Variants in UNC79 observed in about 807,000 individuals in gnomAD.
UNC79 encodes unc-79 subunit of NALCN channel complex.
UNC79 carries 37 observed loss-of-function variants against 283.1 expected under a neutral mutation model. The ratio of observed to expected loss-of-function variants is 0.13; its 90% confidence interval spans 0.10 to 0.17. The LOEUF (loss-of-function observed/expected upper bound fraction) is 0.17. UNC79 is among the 10% of genes least tolerant of loss of function. The pLI, the probability that UNC79 is intolerant of heterozygous loss-of-function variation, is 1.00. For synonymous variants in UNC79, 1,107 were observed against 1,200.2 expected, an observed-to-expected ratio of 0.92 and a Z score of 1.61; for missense variants, 2,272 against 3,211.1, an observed-to-expected ratio of 0.71 and a Z score of 7.07.
At chr14:93,547,968 C>T (rs937678450) in intron 14 of UNC79, among the ~76,000 whole-genome samples, 3 of 152,078 alleles carry the variant, frequency 2.0e-5, no homozygotes, top group Non-Finnish European at 2.9e-5. Flanking sequence ...GCCTGGGTGA[C>T]AGAGTGAGAC....
chr14:93,367,253 T>C (rs1465101248), intron 1 of UNC79, among the ~76,000 whole-genome samples: 1 of 152,162 alleles, frequency 6.6e-6, no homozygotes, highest in African/African-American at 2.4e-5. Context: ...GAAATAGTGG[T>C]GAAGAATGCC....
intron 24 of UNC79, among the ~76,000 whole-genome samples, chr14:93,597,741 G>C (rs1332605061): frequency 6.6e-6 from 1 of 152,194 alleles, no homozygotes; most frequent in African/African-American, 2.4e-5. Flanking sequence ...GGCCTTTGCT[G>C]TGTCTGGGGC....
chr14:93,539,330 G>GGGTC (rs2061259894), intron 12 of UNC79, among the ~76,000 whole-genome samples: 1 of 147,874 alleles, frequency 6.8e-6, no homozygotes, highest in East Asian at 2.2e-4. Flanking sequence ...AGACCAGCCT[G>GGGTC]ACCAACATGG....
intron 1 of UNC79, among the ~76,000 whole-genome samples, chr14:93,466,130 T>C (rs1453391679): frequency 3.3e-5 from 5 of 152,260 alleles, no homozygotes; most frequent in African/African-American, 1.2e-4. Context: ...TATAAACTTA[T>C]TGCTTTCTTT....
chr14:93,519,472 A>G (rs760665161), intron 7 of UNC79, among the ~76,000 whole-genome samples: 18 of 151,884 alleles, frequency 1.2e-4, no homozygotes, highest in Non-Finnish European at 2.5e-4. Flanking sequence ...CTATTTCACA[A>G]TCTTTGCCTT....
chr14:93,534,794 G>C (rs2060992410), intron 11 of UNC79, among the ~76,000 whole-genome samples: 1 of 152,188 alleles, frequency 6.6e-6, no homozygotes, highest in Non-Finnish European at 1.5e-5. Flanking sequence ...ACCCAGGGTA[G>C]ATCATTTTTT....
intron 32 of UNC79, among the ~76,000 whole-genome samples, chr14:93,637,752 C>T (rs1462060418): frequency 6.6e-6 from 1 of 152,198 alleles, no homozygotes; most frequent in Non-Finnish European, 1.5e-5. Flanking sequence ...GCCACCATGC[C>T]TGGCCTCTTC....
intron 47 of UNC79, among the ~76,000 whole-genome samples, chr14:93,702,306 T>G (rs1239353879): frequency 2.6e-5 from 4 of 152,308 alleles, no homozygotes; most frequent in African/African-American, 9.6e-5. Context: ...TGGCATCTTC[T>G]GATATTTTCA....
At chr14:93,496,165 C>T (rs1046656168) in intron 5 of UNC79, among the ~76,000 whole-genome samples, 24 of 152,208 alleles carry the variant, frequency 1.6e-4, no homozygotes, top group African/African-American at 5.8e-4. Context: ...TTACTACCGA[C>T]ATTAAAAATA....
chr14:93,500,800 A>C (rs1428772882), intron 7 of UNC79, among the ~76,000 whole-genome samples: 1 of 152,156 alleles, frequency 6.6e-6, no homozygotes, highest in Non-Finnish European at 1.5e-5. Flanking sequence ...CACTTTTTTC[A>C]GTTCAGTTCT....
intron 47 of UNC79, among the ~76,000 whole-genome samples, chr14:93,703,562 C>T (rs2075681095): frequency 2.0e-5 from 3 of 152,170 alleles, no homozygotes; most frequent in Non-Finnish European, 4.4e-5. Context: ...CCCATCTTAA[C>T]TAATTTACAT....
intron 22 of UNC79, among the ~76,000 whole-genome samples, chr14:93,588,976 G>A (rs748259044): frequency 6.6e-6 from 1 of 152,162 alleles, no homozygotes; most frequent in Non-Finnish European, 1.5e-5. Flanking sequence ...GCTGACTTAA[G>A]CCTTAAGAAT....
intron 41 of UNC79, among the ~76,000 whole-genome samples, chr14:93,674,483 T>G (rs1198354505): frequency 6.6e-6 from 1 of 152,200 alleles, no homozygotes; most frequent in Non-Finnish European, 1.5e-5. Flanking sequence ...AGGCTAGATT[T>G]AGAGACTTGG....
intron 26 of UNC79, among the ~76,000 whole-genome samples, chr14:93,604,083 G>C (rs1185340156): frequency 1.3e-5 from 2 of 151,946 alleles, no homozygotes; most frequent in African/African-American, 2.4e-5. Flanking sequence ...CAAATGACTA[G>C]ATAAACTCTA....
intron 27 of UNC79, among the ~76,000 whole-genome samples, chr14:93,615,555 C>T (rs2066638253): frequency 1.3e-5 from 2 of 151,464 alleles, no homozygotes; most frequent in East Asian, 1.9e-4. Flanking sequence ...AACCCTGTCT[C>T]TACTAAAAAT....
chr14:93,605,463 G>A (rs551332207), intron 26 of UNC79, among the ~76,000 whole-genome samples: 70 of 152,226 alleles, frequency 4.6e-4, no homozygotes, highest in African/African-American at 1.5e-3. Context: ...GAGGACCATA[G>A]CATGATACAG....
chr14:93,582,773 A>G (rs1245619760), intron 20 of UNC79, among the ~76,000 whole-genome samples: 1 of 152,148 alleles, frequency 6.6e-6, no homozygotes, highest in Non-Finnish European at 1.5e-5. Context: ...ACTGGGGAGC[A>G]GCCACTTTTT....
chr14:93,701,802 A>G (rs2075550896), intron 47 of UNC79, among the ~76,000 whole-genome samples: 1 of 152,256 alleles, frequency 6.6e-6, no homozygotes, highest in Non-Finnish European at 1.5e-5. Flanking sequence ...CCTTGCAGGT[A>G]TATTTTAGAA....
At chr14:93,593,400 C>G (rs1024176746) in intron 22 of UNC79, among the ~76,000 whole-genome samples, 2 of 152,212 alleles carry the variant, frequency 1.3e-5, no homozygotes, top group African/African-American at 4.8e-5. Flanking sequence ...TTGTATATTA[C>G]TGAAGCCATT....
Sources: allele counts gnomAD v4.1 joint callset (sites outside exome capture counted in the v4.1 genomes callset), GRCh38; gene constraint gnomAD v4.1.1; transcripts MANE v1.5; gene names NCBI Gene and HGNC (gene_info 2026-07-23, HGNC 2026-07-21).